The following MIA2 variants were observed in gnomAD, a reference collection of about 807,000 sequenced individuals.
MIA2 encodes the protein MIA SH3 domain ER export factor 2.
MIA2 carries 127 observed loss-of-function variants against 167.8 expected under a neutral mutation model. The ratio of observed to expected loss-of-function variants is 0.76; its 90% CI spans 0.66 to 0.88. MIA2 has a LOEUF of 0.88. Among genes scored for constraint, MIA2 ranks in the 40% least tolerant of loss-of-function variants. The pLI is 0.00. For synonymous variants in MIA2, 552 were observed against 541.9 expected (o/e 1.02, Z -0.26); for missense variants, 1,690 against 1,624.7 (o/e 1.04, Z -0.69).
At chr14:39,298,413 TTATA>T (rs71130838) in intron 13 of MIA2, among the ~76,000 whole-genome samples, 3 of 26,132 alleles carry the variant, frequency 1.1e-4, no homozygotes, top group Non-Finnish European at 1.6e-4. Context: ...TGATTCTGTT[TTATA>T]TATATATATA....
intron 23 of MIA2, among the ~76,000 whole-genome samples, chr14:39,379,946 A>G (rs868069785): frequency 6.6e-5 from 10 of 152,034 alleles, no homozygotes; most frequent in African/African-American, 2.4e-4. Flanking sequence ...CAAAAACCCC[A>G]CCACCTCCTG....
intron 13 of MIA2, 127 bp downstream of exon 13, chr14:39,295,156 C>A: frequency 1.4e-6 from 1 of 691,312 alleles, no homozygotes; most frequent in Non-Finnish European, 2.6e-6. Flanking sequence ...GCAGGACAGT[C>A]TCCCATACAT....
intron 18 of MIA2, among the ~76,000 whole-genome samples, chr14:39,310,471 A>G (rs1156742976): frequency 1.3e-5 from 2 of 152,130 alleles, no homozygotes; most frequent in Admixed American, 1.3e-4. Flanking sequence ...CAATAAATTA[A>G]CAATATATAT....
At chr14:39,293,790 T>G (rs2061043292) in intron 11 of MIA2, among the ~76,000 whole-genome samples, 1 of 152,216 alleles carries the variant, frequency 6.6e-6, no homozygotes, top group African/African-American at 2.4e-5. Context: ...ATAACTTAAA[T>G]GTTATGAAAT....
At position 39,347,703 on chromosome 14, in the gene MIA2, T is replaced by TA; in HGVS notation, c.3779-10_3779-9insA. On this transcript the variant is annotated splice_polypyrimidine_tract_variant and intron_variant, in intron 26 of 28. Coordinates refer to ENST00000640607, the MANE Select transcript of MIA2 (RefSeq NM_001329214.4). Reference sequence around the variant, plus strand: ...TCATGTACTTTTCATGGTTTAACTTTTATGTCTAGATGGGTCAATGCCTTC... The same window carrying TA: ...TCATGTACTTTTCATGGTTTAACTTTATATGTCTAGATGGGTCAATGCCTTC... 6.2e-7 allele frequency: 1 copy of TA among 1,612,636 alleles called. No homozygotes were observed. Among genetic ancestry groups the TA allele is most frequent in the South Asian group, 1.1e-5 (1 of 90,734 alleles).
chr14:39,271,715 A>T (rs2057174757), intron 6 of MIA2, among the ~76,000 whole-genome samples: 2 of 151,456 alleles, frequency 1.3e-5, no homozygotes, highest in South Asian at 4.2e-4. Flanking sequence ...AGATCATTTG[A>T]GCCCAGGACT....
Position 39,321,676 on chromosome 14 carries a change from T to C in MIA2, c.3496+620T>C, listed in dbSNP as rs116436122. ...CTTAAAAACTATATATTACATGATA[T>C]AATATAAAATTTTGTAAGACTGCAT... On this transcript the variant is annotated intron_variant, in intron 24 of 28. Transcript: ENST00000640607. Among the ~76,000 whole-genome samples, 1,173 of 152,200 alleles carry C rather than the reference T, an allele frequency of 7.7e-3. 13 individuals carry two copies. The highest frequency in any genetic ancestry group is 0.026 in the African/African-American group (1,070 of 41,524).
chr14:39,360,072 G>A (rs776893756), intron 23 of MIA2, among the ~76,000 whole-genome samples: 1 of 150,420 alleles, frequency 6.6e-6, no homozygotes, highest in Non-Finnish European at 1.5e-5. Context: ...CCAGCACTTT[G>A]GGAGGCTGAG....
At chr14:39,323,921 A>G (rs1343139425) in intron 24 of MIA2, among the ~76,000 whole-genome samples, 1 of 152,216 alleles carries the variant, frequency 6.6e-6, no homozygotes, top group Non-Finnish European at 1.5e-5. Flanking sequence ...CAGAAGTTCT[A>G]GGTAAGTTGT....
intron 6 of MIA2, among the ~76,000 whole-genome samples, chr14:39,257,037 T>A (rs1460574507): frequency 1.3e-5 from 2 of 152,212 alleles, no homozygotes; most frequent in African/African-American, 4.8e-5. Flanking sequence ...TTAAGTGTTA[T>A]GTGGTACTGA....
At chr14:39,297,945 T>A (rs1006808104) in intron 13 of MIA2, among the ~76,000 whole-genome samples, 10 of 152,178 alleles carry the variant, frequency 6.6e-5, no homozygotes, top group African/African-American at 2.4e-4. Context: ...AAGTTCTCTC[T>A]AGTTGGTTGA....
intron 19 of MIA2, among the ~76,000 whole-genome samples, chr14:39,314,231 C>CA (rs1768213250): frequency 6.6e-6 from 1 of 151,810 alleles, no homozygotes; most frequent in African/African-American, 2.4e-5. Flanking sequence ...ACTAAAAATA[C>CA]AAAAAATTAG....
chr14:39,254,327 A>G (rs1365373215), intron 6 of MIA2, among the ~76,000 whole-genome samples: 1 of 152,222 alleles, frequency 6.6e-6, no homozygotes, highest in Non-Finnish European at 1.5e-5. Context: ...TTGAAGAAGT[A>G]CAGAGGGGTC....
At chr14:39,324,614 AT>A (rs1356024857) in intron 24 of MIA2, among the ~76,000 whole-genome samples, 25 of 147,852 alleles carry the variant, frequency 1.7e-4, no homozygotes, top group African/African-American at 2.2e-4. Context: ...TTTTTTTTTT[AT>A]TTTTTTTTTT....
intron 6 of MIA2, among the ~76,000 whole-genome samples, chr14:39,257,810 C>T (rs765642034): frequency 3.3e-5 from 5 of 152,206 alleles, no homozygotes; most frequent in Non-Finnish European, 7.3e-5. Context: ...ATTTGCTTGT[C>T]TGTAAAGGAC....
rs146238876 is a variant in MIA2, at chr14:39,309,245, C to T, written c.3017+658C>T. Among the ~76,000 whole-genome samples, 15 of 152,304 alleles carry T rather than the reference C, an allele frequency of 9.8e-5. 1 individual carries two copies. The East Asian group carries it at 2.1e-3, about 22-fold the overall frequency. On this transcript the variant is annotated intron_variant, in intron 18 of 28. Transcript: ENST00000640607. ...TGCACTGTGTTTTCTCTGCAACATG[C>T]AGGATGACCCTTAAAATGTGAATTG... is the stretch of plus-strand genomic sequence containing the variant.
downstream of MIA2, among the ~76,000 whole-genome samples, chr14:39,355,541 T>C (rs2074500403): frequency 6.6e-6 from 1 of 152,162 alleles, no homozygotes; most frequent in African/African-American, 2.4e-5. Context: ...GAATGCCCTT[T>C]ATTTCCTTCT....
intron 14 of MIA2, among the ~76,000 whole-genome samples, chr14:39,301,413 T>G (rs903717908): frequency 9.2e-5 from 14 of 152,306 alleles, no homozygotes; most frequent in African/African-American, 2.6e-4. Context: ...TACTAAAGGC[T>G]TTGGGATTCT....
intron 25 of MIA2, among the ~76,000 whole-genome samples, chr14:39,343,356 A>G (rs992102995): frequency 1.3e-5 from 2 of 152,168 alleles, no homozygotes; most frequent in Admixed American, 6.5e-5. Flanking sequence ...CATGTTGGCC[A>G]GGCCGATCTT....
Sources: gnomAD v4.1 joint callset for allele counts (sites outside exome capture counted in the v4.1 genomes callset) on GRCh38, gnomAD v4.1.1 for gene constraint, MANE v1.5 for transcripts, NCBI Gene and HGNC (gene_info 2026-07-23, HGNC 2026-07-21) for gene names.